The following CECR2 variants were observed in gnomAD, a reference collection of about 807,000 sequenced individuals.
CECR2 encodes the protein CECR2 histone acetyl-lysine reader.
CECR2 carries 30 observed loss-of-function variants against 154.5 expected under a neutral mutation model. The ratio of observed to expected loss-of-function variants is 0.19; its 90% confidence interval spans 0.15 to 0.26. The LOEUF (loss-of-function observed/expected upper bound fraction) is 0.26. Among genes scored for constraint, CECR2 ranks in the 10% least tolerant of loss-of-function variants. The pLI is 1.00. For missense variants in CECR2, 1,743 were observed against 1,829.3 expected (o/e 0.95, Z 0.86); for synonymous variants, 725 against 683.7 (o/e 1.06, Z -0.94).
At chr22:17,448,006 T>TG (rs1343927609) in intron 1 of CECR2, among the ~76,000 whole-genome samples, 2 of 152,204 alleles carry the variant, frequency 1.3e-5, no homozygotes. Context: ...GAGATAATGT[T>TG]GGGTAACAAT....
At position 17,414,431 on chromosome 22, in the gene CECR2, A is replaced by C. The variant is rs4819585; in HGVS notation, c.126+44522A>C. 7.9e-3 allele frequency among the ~76,000 whole-genome samples: 1,177 copies of C among 149,612 alleles called. 50 individuals carry two copies. The East Asian group carries it at 0.13, about 17-fold the overall frequency. On this transcript the variant is annotated intron_variant, in intron 1 of 18. Coordinates refer to ENST00000262608, the MANE Select transcript of CECR2 (RefSeq NM_001290047.2). ...AGAGTAGATTTAAAGTTATTTTTGT[A>C]ATTTTCTCACTCAGTTTCTTTTTTC...
At chr22:17,531,469 G>A (rs928416783) in intron 9 of CECR2, among the ~76,000 whole-genome samples, 2 of 152,210 alleles carry the variant, frequency 1.3e-5, no homozygotes, top group Non-Finnish European at 2.9e-5. Flanking sequence ...CAGCAGAGAA[G>A]GGAGTTGTAT....
rs2055720005 is a variant in CECR2, at chr22:17,500,626, A to G, written c.546-5A>G. The G allele has an allele frequency of 1.3e-6, 2 of 1,527,460 alleles. No homozygotes were observed. Among genetic ancestry groups the G allele is most frequent in the East Asian group, 2.4e-5 (1 of 40,822 alleles). 94.6% of individuals were successfully genotyped at this position (1,527,460 alleles called of 1,614,324 possible). A position where few individuals can be genotyped will look rare whatever the true frequency, so the allele number is the denominator to read the frequency against. On this transcript the variant is annotated splice_region_variant and splice_polypyrimidine_tract_variant and intron_variant, in intron 4 of 18. Coordinates refer to ENST00000262608, the MANE Select transcript of CECR2 (RefSeq NM_001290047.2). ...AGAACATTTCTATTTAATATTATTT[A>G]TTAGGGAAAGTGAAGGACAAAAAAA...
intron 2 of CECR2, among the ~76,000 whole-genome samples, chr22:17,481,925 G>A (rs929581754): frequency 6.6e-6 from 1 of 151,622 alleles, no homozygotes; most frequent in Non-Finnish European, 1.5e-5. Context: ...GACCATCCTG[G>A]CTAACACAGT....
At chr22:17,535,375 C>T (rs2056422801) in intron 9 of CECR2, among the ~76,000 whole-genome samples, 1 of 152,066 alleles carries the variant, frequency 6.6e-6, no homozygotes, top group Non-Finnish European at 1.5e-5. Context: ...TTGACAGTGC[C>T]TGATGAAGTT....
intron 1 of CECR2, among the ~76,000 whole-genome samples, chr22:17,387,318 C>T (rs1436622930): frequency 6.6e-6 from 1 of 152,200 alleles, no homozygotes; most frequent in Admixed American, 6.5e-5. Flanking sequence ...ATCTATAACA[C>T]ATCTCGCAAG....
At chr22:17,436,209 C>T (rs148455044) in intron 1 of CECR2, among the ~76,000 whole-genome samples, 3,462 of 152,284 alleles carry the variant, frequency 0.023, 122 homozygotes, top group African/African-American at 0.08. Context: ...CTGCCCGCCT[C>T]GGCTTCCCAA....
chr22:17,551,867 T>G (rs1047678268), intron 17 of CECR2, among the ~76,000 whole-genome samples, 164 bp from the exon 18 acceptor site: 2 of 152,178 alleles, frequency 1.3e-5, no homozygotes, highest in African/African-American at 4.8e-5. Context: ...GCGTGCCACT[T>G]ACTGCCCCAG....
chr22:17,511,157 A>G (rs142565497), intron 7 of CECR2, among the ~76,000 whole-genome samples: 88 of 152,330 alleles, frequency 5.8e-4, no homozygotes, highest in African/African-American at 2.0e-3. Flanking sequence ...TGGTGATGCC[A>G]TGGGGCTCAT....
chr22:17,473,653 T>C (rs1470465674), intron 1 of CECR2, among the ~76,000 whole-genome samples: 3 of 152,258 alleles, frequency 2.0e-5, no homozygotes, highest in East Asian at 1.9e-4. Context: ...TGGCATTTAC[T>C]GTGTGCCACT....
chr22:17,374,088 C>T (rs1219905243), intron 1 of CECR2, among the ~76,000 whole-genome samples: 1 of 152,174 alleles, frequency 6.6e-6, no homozygotes, highest in Non-Finnish European at 1.5e-5. Flanking sequence ...GCATTGGTGT[C>T]TGTAGGTGGC....
intron 1 of CECR2, among the ~76,000 whole-genome samples, chr22:17,469,981 C>T (rs2055097358): frequency 6.6e-6 from 1 of 152,210 alleles, no homozygotes; most frequent in Non-Finnish European, 1.5e-5. Flanking sequence ...GTGTCCCCAG[C>T]ACATAACAGA....
At chr22:17,449,483 C>CTTTTTTTTTTT (rs35473694) in intron 1 of CECR2, among the ~76,000 whole-genome samples, 4 of 71,448 alleles carry the variant, frequency 5.6e-5, no homozygotes, top group African/African-American at 1.8e-4. Flanking sequence ...GTAACCAGTT[C>CTTTTTTTTTTT]TTTTTTTTTT....
At chr22:17,455,340 A>G (rs1022972547) in intron 1 of CECR2, among the ~76,000 whole-genome samples, 2 of 152,238 alleles carry the variant, frequency 1.3e-5, no homozygotes, top group African/African-American at 2.4e-5. Context: ...GTTACTATTT[A>G]TTCCTCCTAA....
intron 1 of CECR2, among the ~76,000 whole-genome samples, chr22:17,470,436 T>A (rs896880666): frequency 6.6e-6 from 1 of 151,760 alleles, no homozygotes; most frequent in Non-Finnish European, 1.5e-5. Flanking sequence ...TATGCACATT[T>A]TCATTATTCT....
chr22:17,480,534 A>C (rs1344502273), intron 2 of CECR2, among the ~76,000 whole-genome samples: 2 of 152,114 alleles, frequency 1.3e-5, no homozygotes, highest in African/African-American at 4.8e-5. Flanking sequence ...GTAACAGAGA[A>C]CCTGGACAAG....
intron 1 of CECR2, among the ~76,000 whole-genome samples, chr22:17,440,683 G>A (rs1367189344): frequency 1.3e-5 from 2 of 152,110 alleles, no homozygotes; most frequent in Admixed American, 6.6e-5. Context: ...GCAAAGTGAT[G>A]TAAGAAAACA....
chr22:17,434,096 T>A (rs1235539176), intron 1 of CECR2, among the ~76,000 whole-genome samples: 1 of 137,058 alleles, frequency 7.3e-6, no homozygotes, highest in Non-Finnish European at 1.5e-5. Flanking sequence ...TGAAATAACG[T>A]ATTTCACTTA....
rs1429647835 is a variant in CECR2 at position 17,409,433 on chromosome 22, A to G, written c.126+39524A>G. 1.8e-5 allele frequency among the ~76,000 whole-genome samples: 2 copies of G among 111,556 alleles called. 1 individual carries two copies. The highest frequency in any genetic ancestry group is 4.3e-5 in the Non-Finnish European group (2 of 46,638). 73.2% of individuals were successfully genotyped at this position (111,556 alleles called of 152,430 possible). A position where few individuals can be genotyped will look rare whatever the true frequency, so the allele number is the denominator to read the frequency against. On this transcript the variant is annotated intron_variant, in intron 1 of 18. Coordinates refer to ENST00000262608, the MANE Select transcript of CECR2 (RefSeq NM_001290047.2). ...TTTTTAGTAGAGATGGGGTTTCACC[A>G]TGTTGGCCAGGATGGTCTCAATCTC...
Sources: gnomAD v4.1 joint callset for allele counts (sites outside exome capture counted in the v4.1 genomes callset) on GRCh38, gnomAD v4.1.1 for gene constraint, MANE v1.5 for transcripts, NCBI Gene and HGNC (gene_info 2026-07-23, HGNC 2026-07-21) for gene names.